Variants in C12orf42 observed in about 807,000 individuals in gnomAD.
The protein encoded by C12orf42 is uncharacterized protein C12orf42.
A neutral mutation model predicts 21.6 loss-of-function variants in C12orf42; 25 were observed. The observed-to-expected ratio is 1.16, with a 90% CI of 0.84 to 1.62. The LOEUF (loss-of-function observed/expected upper bound fraction) is 1.62. Ranked by LOEUF, C12orf42 falls within the 40% of genes most tolerant of loss-of-function variation. The pLI, the probability that C12orf42 is intolerant of heterozygous loss-of-function variation, is 0.00. For synonymous variants in C12orf42, 174 were observed against 175.0 expected (o/e 0.99, Z 0.05); for missense variants, 483 against 459.3 (o/e 1.05, Z -0.47).
At chr12:103,167,938 A>G in the C12orf42 span, 1 of 411,612 alleles carries the variant, frequency 2.4e-6, no homozygotes, top group South Asian at 1.8e-5. Flanking sequence ...GTGTGTGTAT[A>G]CTGCAAATGG....
chr12:103,563,382 C>T, the C12orf42 span, among the ~76,000 whole-genome samples: 1 of 152,128 alleles, frequency 6.6e-6, no homozygotes, highest in Admixed American at 6.6e-5. Flanking sequence ...CCCAGTTGCA[C>T]AATAAACAAG....
chr12:103,406,134 C>G (rs1455581125), intron 2 of C12orf42, among the ~76,000 whole-genome samples: 1 of 152,194 alleles, frequency 6.6e-6, no homozygotes, highest in Non-Finnish European at 1.5e-5. Flanking sequence ...AGGGAATACA[C>G]TATTCTTGAA....
chr12:103,524,728 G>A, the C12orf42 span, among the ~76,000 whole-genome samples: 1 of 152,308 alleles, frequency 6.6e-6, no homozygotes, highest in Admixed American at 6.5e-5. Context: ...CAGAACATAG[G>A]TAGTTTTCTG....
chr12:103,345,074 A>T (rs2042500603), intron 4 of C12orf42, among the ~76,000 whole-genome samples: 1 of 152,226 alleles, frequency 6.6e-6, no homozygotes, highest in Non-Finnish European at 1.5e-5. Context: ...CTGTGACCTC[A>T]GTCACCTGAC....
chr12:103,467,226 A>G (rs1953211332), intron 2 of C12orf42, among the ~76,000 whole-genome samples: 2 of 152,236 alleles, frequency 1.3e-5, no homozygotes, highest in Admixed American at 6.5e-5. Context: ...TAAAATTAAG[A>G]TTTGCTATTT....
intron 4 of C12orf42, among the ~76,000 whole-genome samples, chr12:103,323,806 C>T (rs1418408017): frequency 2.0e-5 from 3 of 152,130 alleles, no homozygotes; most frequent in Non-Finnish European, 2.9e-5. Context: ...AACTGAGTTA[C>T]ACCCCAGCCC....
At chr12:103,256,100 A>ATG (rs2034577037) in intron 10 of C12orf42, among the ~76,000 whole-genome samples, 1 of 41,152 alleles carries the variant, frequency 2.4e-5, no homozygotes, top group African/African-American at 7.4e-5. Flanking sequence ...ATATATATAT[A>ATG]TATATATATA....
At chr12:103,095,553 G>A in the C12orf42 span, among the ~76,000 whole-genome samples, 1 of 152,162 alleles carries the variant, frequency 6.6e-6, no homozygotes, top group East Asian at 1.9e-4. Flanking sequence ...CAATGGCCCT[G>A]TTTAAAATTG....
At chr12:103,556,934 GAA>G in the C12orf42 span, among the ~76,000 whole-genome samples, 4 of 122,690 alleles carry the variant, frequency 3.3e-5, no homozygotes, top group African/African-American at 5.9e-5. Flanking sequence ...TAGTTATGCA[GAA>G]AAAAAAAAAA....
the C12orf42 span, among the ~76,000 whole-genome samples, chr12:103,532,948 G>A: frequency 3.9e-5 from 6 of 152,120 alleles, no homozygotes; most frequent in South Asian, 2.1e-4. Context: ...CGGAGACAAC[G>A]GGGAATTGTG....
rs146679348 is a variant in C12orf42 at position 103,387,145 on chromosome 12, C to T, written c.147+14462G>A. Among the ~76,000 whole-genome samples the T allele has an allele frequency of 3.7e-3, 562 of 152,320 alleles. 4 individuals carry two copies. Among genetic ancestry groups the T allele is most frequent in the South Asian group, 0.011 (52 of 4,826 alleles). On this transcript the variant is annotated intron_variant, in intron 3 of 5. Coordinates refer to ENST00000548883, the MANE Select transcript of C12orf42 (RefSeq NM_198521.5). ...TCCTAAGTAAATATGGATGTACCCA[C>T]GTACCTGTCACCTACTATCTTCCTT...
the C12orf42 span, among the ~76,000 whole-genome samples, chr12:103,533,690 G>C: frequency 6.6e-6 from 1 of 152,216 alleles, no homozygotes; most frequent in Admixed American, 6.5e-5. Flanking sequence ...TCTGCAACTT[G>C]ATTTTGGTGA....
At chr12:103,273,547 A>G (rs1295880987) in intron 5 of C12orf42, among the ~76,000 whole-genome samples, 2 of 152,158 alleles carry the variant, frequency 1.3e-5, no homozygotes, top group African/African-American at 2.4e-5. Flanking sequence ...TTGAGCCACC[A>G]TCTCACTTTC....
intron 2 of C12orf42, among the ~76,000 whole-genome samples, chr12:103,444,454 G>A (rs1014151394): frequency 2.0e-5 from 3 of 152,036 alleles, no homozygotes; most frequent in African/African-American, 7.2e-5. Flanking sequence ...TTTTTGAAAT[G>A]CATTAAAATA....
At chr12:103,136,921 A>G in the C12orf42 span, among the ~76,000 whole-genome samples, 34 of 152,214 alleles carry the variant, frequency 2.2e-4, no homozygotes, top group African/African-American at 7.0e-4. Flanking sequence ...ACCCAAAACT[A>G]TAAAGCTACT....
chr12:103,525,087 G>A, the C12orf42 span, among the ~76,000 whole-genome samples: 13 of 152,082 alleles, frequency 8.5e-5, no homozygotes, highest in South Asian at 1.9e-3. Flanking sequence ...GCACAATCTC[G>A]GCTCACTGCA....
At chr12:103,244,778 T>C (rs1471546232) in intron 10 of C12orf42, among the ~76,000 whole-genome samples, 2 of 152,048 alleles carry the variant, frequency 1.3e-5, no homozygotes, top group Non-Finnish European at 2.9e-5. Context: ...TGAGCCCCTA[T>C]CTTGTCATTA....
chr12:103,338,215 C>T (rs377552857), intron 4 of C12orf42, among the ~76,000 whole-genome samples: 5 of 152,344 alleles, frequency 3.3e-5, no homozygotes, highest in East Asian at 3.9e-4. Flanking sequence ...TGCTCCATAT[C>T]ATATGCAGTG....
chr12:103,125,528 T>C, the C12orf42 span, among the ~76,000 whole-genome samples: 83 of 152,276 alleles, frequency 5.5e-4, no homozygotes, highest in African/African-American at 1.9e-3. Context: ...AAAAAAGCTA[T>C]ATAAGTGTAA....
Sources: gnomAD v4.1 joint callset for allele counts (sites outside exome capture counted in the v4.1 genomes callset) on GRCh38, gnomAD v4.1.1 for gene constraint, MANE v1.5 for transcripts, NCBI Gene and HGNC (gene_info 2026-07-23, HGNC 2026-07-21) for gene names.